KIAA1671: variants seen among roughly 807,000 people sequenced by gnomAD.
KIAA1671 encodes the protein uncharacterized protein KIAA1671.
In KIAA1671, 52 loss-of-function variants were observed where a neutral mutation model predicts 131.2. The ratio of observed to expected loss-of-function variants is 0.40; its 90% CI spans 0.32 to 0.50. The LOEUF is 0.50. Ranked by LOEUF, KIAA1671 falls within the 20% of genes least tolerant of loss-of-function variation. The pLI is 0.73. For synonymous variants in KIAA1671, 1,003 were observed against 961.6 expected (o/e 1.04, Z -0.80); for missense variants, 2,360 against 2,364.2 (o/e 1.00, Z 0.04).
In KIAA1671 at chr22:25,040,452, C is replaced by G. The variant is rs927703889; in HGVS notation, c.3322C>G (p.Arg1108Gly). Residue 1108 changes from arginine to glycine, a missense_variant, in exon 5 of 13, where the codon CGT becomes GGT. Physicochemically the swap from Arg to Gly is moderately radical, Grantham distance 125. Coordinates refer to ENST00000358431, the MANE Select transcript of KIAA1671 (RefSeq NM_001145206.2). ...SILKTLKPTDRPSSLGAWSLD... is the reference protein window; with the variant it reads ...SILKTLKPTDGPSSLGAWSLD... Reference sequence around the variant, plus strand: ...TTTAAAAACTCTGAAGCCAACAGACCGTCCATCATCTCTTGGGGCCTGGAG... The same window carrying G: ...TTTAAAAACTCTGAAGCCAACAGACGGTCCATCATCTCTTGGGGCCTGGAG... 94 of 1,551,900 alleles carry G rather than the reference C, an allele frequency of 6.1e-5. No individual in the cohort carries two copies. Among genetic ancestry groups the G allele is most frequent in the Non-Finnish European group, 7.5e-5 (86 of 1,147,074 alleles).
intron 11 of KIAA1671, among the ~76,000 whole-genome samples, chr22:25,188,659 A>C (rs897947674): frequency 6.6e-6 from 1 of 152,170 alleles, no homozygotes; most frequent in South Asian, 2.1e-4. Context: ...TGTATGTTAT[A>C]TTTTATATAT....
chr22:25,031,230 G>T (rs1229645840), intron 3 of KIAA1671, among the ~76,000 whole-genome samples: 1 of 134,144 alleles, frequency 7.5e-6, no homozygotes, highest in Non-Finnish European at 1.5e-5. Flanking sequence ...ACGGAGTCTC[G>T]CTCTGCCGCT....
In KIAA1671 at chr22:25,029,771, C is replaced by CT. The variant is rs778545415; in HGVS notation, c.1541+235dup. 1.1e-4 allele frequency among the ~76,000 whole-genome samples: 16 copies of CT among 152,358 alleles called. No homozygotes were observed. The East Asian group carries it at 2.5e-3, about 24-fold the overall frequency. ...GGGGCCCGGAGCCCAATTTTCATGG[C>CT]TTTTCTCAGCTTCAGATGTAGTGTG... On this transcript the variant is annotated intron_variant, in intron 3 of 12. Coordinates refer to ENST00000358431, the MANE Select transcript of KIAA1671 (RefSeq NM_001145206.2).
chr22:24,991,810 G>T (rs1166069989), intron 1 of KIAA1671, among the ~76,000 whole-genome samples: 3 of 152,068 alleles, frequency 2.0e-5, no homozygotes, highest in African/African-American at 4.8e-5. Context: ...CATAGTCACT[G>T]AGTAATTGCG....
chr22:25,170,683 G>C (rs1043482582), intron 6 of KIAA1671, 137 bp from the exon 7 acceptor site: 1 of 763,354 alleles, frequency 1.3e-6, no homozygotes, highest in Admixed American at 2.1e-5. Flanking sequence ...CAAGATGTCT[G>C]GCCCCACTTA....
Position 25,195,885 on chromosome 22 carries a change from T to A in KIAA1671, c.*3484T>A, listed in dbSNP as rs1934811009. 6.6e-6 allele frequency: 1 copy of A among 152,114 alleles called. No homozygotes were observed. The highest frequency in any genetic ancestry group is 2.4e-5 in the African/African-American group (1 of 41,398). 9.4% of individuals were successfully genotyped at this position (152,114 alleles called of 1,614,324 possible). ...TGAATGTGCCTTCCCCCTCACCGTG[T>A]GTTAAAACACAAAAGCCGAAGTTCC... is the stretch of plus-strand genomic sequence containing the variant. On this transcript the variant is annotated 3_prime_UTR_variant, in exon 13 of 13. Coordinates refer to ENST00000358431, the MANE Select transcript of KIAA1671 (RefSeq NM_001145206.2).
intron 4 of KIAA1671, among the ~76,000 whole-genome samples, chr22:25,033,111 A>G (rs955759826): frequency 6.6e-6 from 1 of 152,174 alleles, no homozygotes; most frequent in Non-Finnish European, 1.5e-5. Context: ...GGCTGGGCAC[A>G]GTGGCTCACA....
chr22:25,113,004 G>C (rs532736207), intron 6 of KIAA1671, among the ~76,000 whole-genome samples: 7 of 152,224 alleles, frequency 4.6e-5, no homozygotes, highest in Non-Finnish European at 8.8e-5. Context: ...GTGGGCCAGG[G>C]AGGGAGGCCT....
intron 1 of KIAA1671, among the ~76,000 whole-genome samples, chr22:25,005,250 A>G (rs1569203987): frequency 6.7e-6 from 1 of 150,034 alleles, no homozygotes; most frequent in African/African-American, 2.5e-5. Context: ...CAGGAGGCTG[A>G]GGCAGCAGAA....
At position 25,161,908 on chromosome 22, in the gene KIAA1671, C is replaced by T. The variant is rs28588523; in HGVS notation, c.4531-8912C>T. Among the ~76,000 whole-genome samples the T allele has an allele frequency of 3.2e-3, 488 of 152,214 alleles. 2 individuals carry two copies. The highest frequency in any genetic ancestry group is 0.011 in the African/African-American group (470 of 41,526). On this transcript the variant is annotated intron_variant, in intron 6 of 12. Transcript: ENST00000358431. ...CCACTGCTTGGTCCTTAGTTTTCCC[C>T]TCTATAAAATGGTTATTGAGGACCC...
chr22:25,116,143 A>G (rs774589049), intron 6 of KIAA1671, among the ~76,000 whole-genome samples: 4 of 152,108 alleles, frequency 2.6e-5, no homozygotes, highest in Non-Finnish European at 5.9e-5. Context: ...GAGTGGCACG[A>G]TCATAGCTCA....
intron 1 of KIAA1671, among the ~76,000 whole-genome samples, chr22:24,971,958 G>T (rs1312223284): frequency 1.3e-5 from 2 of 152,172 alleles, no homozygotes; most frequent in East Asian, 3.9e-4. Flanking sequence ...GAGGGTAGGT[G>T]CCTGGAACAG....
chr22:25,104,278 C>T (rs1930871290), intron 6 of KIAA1671, among the ~76,000 whole-genome samples: 5 of 152,162 alleles, frequency 3.3e-5, no homozygotes, highest in Non-Finnish European at 5.9e-5. Context: ...TGCTCCTGGC[C>T]CCACCTTCTT....
intron 5 of KIAA1671, chr22:25,048,877 T>C (rs1927381854): frequency 5.6e-6 from 1 of 180,104 alleles, no homozygotes; most frequent in Non-Finnish European, 1.2e-5. Flanking sequence ...CCAGGACTTG[T>C]GCACGTCTGC....
chr22:25,088,373 C>G (rs1929846397), intron 6 of KIAA1671, among the ~76,000 whole-genome samples: 2 of 152,168 alleles, frequency 1.3e-5, no homozygotes, highest in South Asian at 4.1e-4. Flanking sequence ...TCCCAAAGTG[C>G]TGGGATTACA....
chr22:25,118,196 GGGGAGCATCCTTT>G (rs1183147275), intron 6 of KIAA1671, among the ~76,000 whole-genome samples: 2 of 151,530 alleles, frequency 1.3e-5, no homozygotes, highest in Non-Finnish European at 2.9e-5. Context: ...AGAGGCTCTA[GGGGAGCATCCTTT>G]CTCACCTCTT....
intron 1 of KIAA1671, among the ~76,000 whole-genome samples, chr22:24,980,554 G>A (rs1171476642): frequency 6.6e-6 from 1 of 152,016 alleles, no homozygotes; most frequent in Non-Finnish European, 1.5e-5. Flanking sequence ...ACAGGCATGA[G>A]CCACCGCACC....
intron 9 of KIAA1671, among the ~76,000 whole-genome samples, chr22:25,179,863 T>C (rs1429218205): frequency 6.6e-6 from 1 of 152,266 alleles, no homozygotes; most frequent in Non-Finnish European, 1.5e-5. Flanking sequence ...CAATCTTTTC[T>C]GTTTTCTAAT....
intron 6 of KIAA1671, chr22:25,064,403 T>C (rs1928353993): frequency 6.6e-6 from 1 of 152,208 alleles, no homozygotes; most frequent in Non-Finnish European, 1.5e-5. Flanking sequence ...TTCTGAACAC[T>C]TTGTACGTAG....
Sources: allele counts gnomAD v4.1 joint callset (sites outside exome capture counted in the v4.1 genomes callset), GRCh38; gene constraint gnomAD v4.1.1; transcripts MANE v1.5; gene names NCBI Gene and HGNC (gene_info 2026-07-23, HGNC 2026-07-21).